Variants in CCDC167 observed in about 807,000 individuals in gnomAD.
CCDC167 encodes coiled-coil domain-containing protein 167.
CCDC167 carries 15 observed loss-of-function variants against 12.7 expected under a neutral mutation model. That is an observed-to-expected ratio of 1.18 (90% CI 0.79 to 1.81). The LOEUF is 1.81. Among genes scored for constraint, CCDC167 ranks in the 40% most tolerant of loss-of-function variants. CCDC167 has a pLI of 0.00. For missense variants in CCDC167, 121 were observed against 120.1 expected (o/e 1.01, Z -0.03); for synonymous variants, 52 against 49.0 (o/e 1.06, Z -0.26).
At chr6:37,493,695 G>A (rs1029299862) in intron 1 of CCDC167, among the ~76,000 whole-genome samples, 5 of 152,218 alleles carry the variant, frequency 3.3e-5, no homozygotes, top group Admixed American at 2.0e-4. Context: ...GCAAGGTGGC[G>A]TCTAACCGCC....
chr6:37,491,580 G>C (rs974014807), intron 1 of CCDC167, among the ~76,000 whole-genome samples: 10 of 152,306 alleles, frequency 6.6e-5, no homozygotes, highest in African/African-American at 1.9e-4. Context: ...TGGGCACTCA[G>C]ACCTTCCAAT....
intron 1 of CCDC167, among the ~76,000 whole-genome samples, chr6:37,497,570 G>A (rs1762114362): frequency 6.6e-6 from 1 of 151,864 alleles, no homozygotes; most frequent in Non-Finnish European, 1.5e-5. Flanking sequence ...ACTTTAAACA[G>A]CAAAATCAGG....
intron 1 of CCDC167, among the ~76,000 whole-genome samples, chr6:37,494,283 G>A (rs544490734): frequency 8.6e-4 from 131 of 152,158 alleles, no homozygotes; most frequent in Non-Finnish European, 3.5e-4. Flanking sequence ...GGCTGGTCTC[G>A]AACTCGTGAC....
In CCDC167 at chr6:37,494,805, ATTT is replaced by A. The variant is rs201478338; in HGVS notation, c.42+5014_42+5016del. Among the ~76,000 whole-genome samples the A allele has an allele frequency of 7.3e-3, 841 of 115,218 alleles. 47 individuals carry two copies. The East Asian group carries it at 0.12, about 17-fold the overall frequency. The allele number at this position is 115,218 out of a possible 152,430, so 75.6% of individuals were successfully genotyped here. On this transcript the variant is annotated intron_variant, in intron 1 of 3. Transcript: ENST00000373408. The stretch of plus-strand genomic sequence containing the variant: ...AATGCCAGTAGCCACCTACCTACAA[ATTT>A]TTTTTTTTTTTTTGAGACGGGGTCT...
At chr6:37,488,717 G>A (rs1761976817) in intron 1 of CCDC167, among the ~76,000 whole-genome samples, 1 of 152,174 alleles carries the variant, frequency 6.6e-6, no homozygotes, top group South Asian at 2.1e-4. Flanking sequence ...CCTTAGTTCT[G>A]TGCTCAGTTG....
At chr6:37,494,726 AAC>A (rs1219881765) in intron 1 of CCDC167, among the ~76,000 whole-genome samples, 1 of 152,204 alleles carries the variant, frequency 6.6e-6, no homozygotes, top group East Asian at 1.9e-4. Flanking sequence ...ACCATGAGGA[AAC>A]AGTGAAGAGA....
At chr6:37,498,336 T>C (rs1003037360) in intron 1 of CCDC167, among the ~76,000 whole-genome samples, 13 of 152,312 alleles carry the variant, frequency 8.5e-5, no homozygotes, top group African/African-American at 2.9e-4. Context: ...CTGCAGCTTA[T>C]TGTACCCTAA....
chr6:37,484,811 G>A lies in CCDC167; in HGVS notation c.189C>T (p.Tyr63=), dbSNP rs768066379. 9.9e-6 allele frequency: 16 copies of A among 1,614,104 alleles called. No individual in the cohort carries two copies. Among genetic ancestry groups the A allele is most frequent in the African/African-American group, 2.7e-5 (2 of 74,940 alleles). Residue 63 remains tyrosine, a splice_region_variant and synonymous_variant, in exon 3 of 4, where the codon TAC becomes TAT. Transcript: ENST00000373408. Reference sequence around the variant, plus strand: ...GGTAACTGAAAGGAACTTTCTTACCGTAGTTGGAGGCTTTGTTCATTAGGC... The same window carrying A: ...GGTAACTGAAAGGAACTTTCTTACCATAGTTGGAGGCTTTGTTCATTAGGC... ...KNSLMNKASN[Y]EKELKFLRQE... is the part of the protein sequence containing the mutation.
intron 1 of CCDC167, among the ~76,000 whole-genome samples, chr6:37,496,205 G>A (rs890719473): frequency 9.9e-5 from 15 of 152,092 alleles, no homozygotes; most frequent in East Asian, 7.7e-4. Context: ...AGGCCGAGGC[G>A]GGCGGATCAC....
chr6:37,487,549 T>G (rs1437388867), intron 1 of CCDC167, among the ~76,000 whole-genome samples: 2 of 152,234 alleles, frequency 1.3e-5, no homozygotes, highest in African/African-American at 4.8e-5. Flanking sequence ...AGGTGAGATT[T>G]CTCCTTAACA....
intron 1 of CCDC167, among the ~76,000 whole-genome samples, chr6:37,492,541 C>T (rs951384505): frequency 6.6e-6 from 1 of 152,190 alleles, no homozygotes; most frequent in South Asian, 2.1e-4. Flanking sequence ...AAGCATCCTC[C>T]AAAATTCACA....
At chr6:37,490,472 G>C (rs575078896) in intron 1 of CCDC167, among the ~76,000 whole-genome samples, 1 of 152,192 alleles carries the variant, frequency 6.6e-6, no homozygotes, top group African/African-American at 2.4e-5. Context: ...GCCTTAGGGA[G>C]TGGGACCCAA....
At chr6:37,493,215 C>T (rs1426293910) in intron 1 of CCDC167, among the ~76,000 whole-genome samples, 1 of 152,220 alleles carries the variant, frequency 6.6e-6, no homozygotes, top group Non-Finnish European at 1.5e-5. Context: ...CGCGAGGAGA[C>T]GGAGGCCGAG....
chr6:37,483,093 A>T lies in CCDC167; in HGVS notation c.*93T>A, dbSNP rs1761888847. The T allele has an allele frequency of 1.0e-6, 1 of 989,616 alleles. No individual in the cohort carries two copies. Among genetic ancestry groups the T allele is most frequent in the Admixed American group, 1.8e-5 (1 of 56,358 alleles). The allele number at this position is 989,616 out of a possible 1,614,324, so 61.3% of individuals were successfully genotyped here. ...CACTAGGTTGGGAGGGGAACACCCC[A>T]GCACCTTGGTCCTATTGAGGCTTGA... On this transcript the variant is annotated 3_prime_UTR_variant, in exon 4 of 4. Coordinates refer to ENST00000373408, the MANE Select transcript of CCDC167 (RefSeq NM_138493.3).
intron 1 of CCDC167, among the ~76,000 whole-genome samples, chr6:37,488,360 G>C (rs1761973222): frequency 6.6e-6 from 1 of 152,216 alleles, no homozygotes; most frequent in Non-Finnish European, 1.5e-5. Flanking sequence ...TCCCGACTTG[G>C]ATTTTCAGCC....
chr6:37,492,740 C>G (rs1762039142), intron 1 of CCDC167, among the ~76,000 whole-genome samples: 1 of 152,204 alleles, frequency 6.6e-6, no homozygotes, highest in Non-Finnish European at 1.5e-5. Context: ...CATTTTCACA[C>G]GTCAGGAGAC....
intron 1 of CCDC167, among the ~76,000 whole-genome samples, chr6:37,495,939 T>C (rs1277693129): frequency 6.6e-6 from 1 of 152,138 alleles, no homozygotes; most frequent in African/African-American, 2.4e-5. Context: ...AGAAGCAAGG[T>C]GGGGAGACAG....
intron 1 of CCDC167, among the ~76,000 whole-genome samples, chr6:37,497,082 C>CT (rs950808328): frequency 5.4e-4 from 82 of 152,344 alleles, no homozygotes; most frequent in African/African-American, 1.9e-3. Flanking sequence ...GAGTTGGCAA[C>CT]TAAGCCCTGT....
intron 1 of CCDC167, 95 bp downstream of exon 1, chr6:37,499,722 CGCTTG>C: frequency 7.5e-7 from 1 of 1,335,428 alleles, no homozygotes; most frequent in Non-Finnish European, 1.1e-6. Flanking sequence ...TCTCATCCTA[CGCTTG>C]GCTCCTCCTC....
Sources: gnomAD v4.1 joint callset for allele counts (sites outside exome capture counted in the v4.1 genomes callset) on GRCh38, gnomAD v4.1.1 for gene constraint, MANE v1.5 for transcripts, NCBI Gene and HGNC (gene_info 2026-07-23, HGNC 2026-07-21) for gene names.